Variants in NOM1 observed in about 807,000 individuals in gnomAD.
NOM1 encodes the protein nucleolar protein with MIF4G domain 1.
A neutral mutation model predicts 73.3 loss-of-function variants in NOM1; 58 were observed. The observed-to-expected ratio is 0.79, with a 90% CI of 0.64 to 0.99. NOM1 has a LOEUF of 0.99. NOM1 is among the 50% of genes least tolerant of loss of function. The pLI is 0.00. For synonymous variants in NOM1, 487 were observed against 446.8 expected, an observed-to-expected ratio of 1.09 and a Z score of -1.14; for missense variants, 1,226 against 1,131.9, an observed-to-expected ratio of 1.08 and a Z score of -1.19.
In NOM1 at chr7:156,970,364, T is replaced by C. The variant is rs1168720389; in HGVS notation, c.*661T>C. 6.6e-6 allele frequency: 1 copy of C among 152,184 alleles called. No homozygotes were observed. The highest frequency in any genetic ancestry group is 6.5e-5 in the Admixed American group (1 of 15,276). The allele number at this position is 152,184 out of a possible 1,614,324, so 9.4% of individuals were successfully genotyped here. ...GTTATAAAGAAATTGATGAGGTTTT[T>C]ACCTTTTTAAAATATTGGTTAGAAG... is the stretch of plus-strand genomic sequence containing the variant. On this transcript the variant is annotated 3_prime_UTR_variant, in exon 11 of 11. Transcript: ENST00000275820.
At chr7:156,959,730 C>T in intron 3 of NOM1, 121 bp from the exon 4 acceptor site, 2 of 992,674 alleles carry the variant, frequency 2.0e-6, no homozygotes, top group Admixed American at 2.6e-5. Context: ...CGAGGGATGC[C>T]TTGTTGGAAT....
At chr7:156,968,224 G>T (rs965828864) in intron 9 of NOM1, among the ~76,000 whole-genome samples, 1 of 152,148 alleles carries the variant, frequency 6.6e-6, no homozygotes, top group Non-Finnish European at 1.5e-5. Flanking sequence ...CCTTTCGCTC[G>T]CCCAGGCATT....
intron 3 of NOM1, among the ~76,000 whole-genome samples, chr7:156,959,141 C>T (rs1340926100): frequency 2.0e-5 from 3 of 150,084 alleles, no homozygotes; most frequent in African/African-American, 7.3e-5. Flanking sequence ...CTTGCTCTGT[C>T]GCCCAGGCTG....
intron 3 of NOM1, 63 bp from the exon 4 acceptor site, chr7:156,959,788 T>A: frequency 6.8e-7 from 1 of 1,468,766 alleles, no homozygotes; most frequent in South Asian, 1.2e-5. Context: ...CAGTTCTGTG[T>A]GTTGAAGGAG....
intron 7 of NOM1, chr7:156,964,333 C>A (rs1325402125): frequency 5.7e-6 from 1 of 173,958 alleles, no homozygotes; most frequent in Non-Finnish European, 1.2e-5. Context: ...GGAGTTTTGA[C>A]TGAAAGTATC....
intron 2 of NOM1, 33 bp downstream of exon 2, chr7:156,952,631 TAGAG>T (rs764789889): frequency 1.3e-6 from 2 of 1,596,170 alleles, no homozygotes; most frequent in Admixed American, 1.8e-5. Flanking sequence ...CTGTGTCACT[TAGAG>T]AGGTTGTCTG....
Position 156,950,542 on chromosome 7 carries a change from A to G in NOM1, c.805A>G (p.Lys269Glu). 1 of 1,613,208 alleles carries G rather than the reference A, an allele frequency of 6.2e-7. No individual in the cohort carries two copies. The highest frequency in any genetic ancestry group is 8.5e-7 in the Non-Finnish European group (1 of 1,179,458). ...GGAGGAGGAGGAGGGAGACGTAGAA[A>G]AGGAAAAGAAGGCGCAGGAAGCAGA... is the stretch of plus-strand genomic sequence containing the variant. ...SEEEEEGDVE[K>E]EKKAQEAEAQ... Residue 269 changes from lysine to glutamate, a missense_variant, in exon 1 of 11, where the codon AAG (lysine) becomes GAG (glutamate). Transcript: ENST00000275820.
chr7:156,963,933 G>T lies in NOM1; in HGVS notation c.1940G>T (p.Arg647Leu). The change falls in exon 7 of 11, where the codon CGG becomes CTG. Residue 647 changes from arginine to leucine, a missense_variant. Arg to Leu is a moderately radical substitution (Grantham distance 102). Transcript: ENST00000275820. ...TVSSKILELA[R>L]KQRMNTDIRR... ...AGTTCAAAGATCCTAGAACTCGCCC[G>T]GAAGCAGAGGATGAACACAGACATC... The T allele has an allele frequency of 6.2e-7, 1 of 1,613,998 alleles. No homozygotes were observed. The highest frequency in any genetic ancestry group is 8.5e-7 in the Non-Finnish European group (1 of 1,179,918).
chr7:156,950,153 C>G lies in NOM1; in HGVS notation c.416C>G (p.Ser139Trp). Reference protein sequence around the residue: ...RARPAPSRDPSPPRKPRPSRV... With the variant: ...RARPAPSRDPWPPRKPRPSRV... ...CGCCCAGCCCCTAGTCGGGACCCCT[C>G]GCCTCCCAGGAAGCCGCGGCCGTCC... The change falls in exon 1 of 11, where the codon TCG (serine) becomes TGG (tryptophan). Residue 139 changes from serine to tryptophan, a missense_variant. Ser to Trp is a radical substitution (Grantham distance 177). Coordinates refer to ENST00000275820, the MANE Select transcript of NOM1 (RefSeq NM_138400.2). 9 of 1,587,476 alleles carry G rather than the reference C, an allele frequency of 5.7e-6. No individual in the cohort carries two copies. Among genetic ancestry groups the G allele is most frequent in the Non-Finnish European group, 7.7e-6 (9 of 1,170,432 alleles).
Position 156,967,075 on chromosome 7 carries a change from T to C in NOM1, c.2281T>C (p.Ser761Pro). ...CCACTTGTTGAAGACAAAATCGCTT[T>C]CCCTTTCCATCTTAAAGGTTCGTGT... ...VAHLLKTKSL[S>P]LSILKVVEFS... is the part of the protein sequence containing the mutation. Residue 761 changes from serine (S) to proline (P), a missense_variant, in exon 9 of 11, where the codon TCC (serine) becomes CCC (proline). By Grantham distance (74) the Ser-to-Pro change is moderately conservative (BLOSUM62 -1). Coordinates refer to ENST00000275820, the MANE Select transcript of NOM1 (RefSeq NM_138400.2). 6.2e-7 allele frequency: 1 copy of C among 1,612,924 alleles called. No homozygotes were observed. Among genetic ancestry groups the C allele is most frequent in the Non-Finnish European group, 8.5e-7 (1 of 1,179,724 alleles).
At chr7:156,956,455 T>C (rs1166721133) in intron 3 of NOM1, among the ~76,000 whole-genome samples, 1 of 152,232 alleles carries the variant, frequency 6.6e-6, no homozygotes, top group Non-Finnish European at 1.5e-5. Context: ...GCTCATTATT[T>C]ATGTACAGAA....
intron 5 of NOM1, among the ~76,000 whole-genome samples, chr7:156,962,696 C>T (rs200716369): frequency 8.5e-5 from 13 of 152,178 alleles, no homozygotes; most frequent in African/African-American, 3.1e-4. Flanking sequence ...AAGTCCAAAT[C>T]ATTGCTGACC....
At chr7:156,952,383 A>G in intron 1 of NOM1, 91 bp from the exon 2 acceptor site, 1 of 1,389,062 alleles carries the variant, frequency 7.2e-7, no homozygotes, top group Non-Finnish European at 9.8e-7. Context: ...CAGTTCTTGG[A>G]AGTTTAATAT....
At position 156,963,076 on chromosome 7, in the gene NOM1, G is replaced by A; in HGVS notation, c.1812G>A (p.Glu604=). 1 of 1,614,224 alleles carries A rather than the reference G, an allele frequency of 6.2e-7. No individual in the cohort carries two copies. Among genetic ancestry groups the A allele is most frequent in the South Asian group, 1.1e-5 (1 of 91,082 alleles). ...RVSWDSVLSA[E]QTGRWWIVGS... is the part of the protein sequence containing the mutation. ...CCTGGGACAGTGTCTTGAGTGCGGA[G>A]CAGACGGGTCGCTGGTGGATTGTGG... Residue 604 remains glutamate, a synonymous_variant, in exon 6 of 11, where the codon GAG becomes GAA. Transcript: ENST00000275820.
chr7:156,963,103 G>T lies in NOM1; in HGVS notation c.1839G>T (p.Gly613=). 1.2e-6 allele frequency: 2 copies of T among 1,614,214 alleles called. No individual in the cohort carries two copies. The highest frequency in any genetic ancestry group is 1.6e-4 in the Middle Eastern group (1 of 6,062). ...AEQTGRWWIV[G]SAWSGAPMID... The stretch of plus-strand genomic sequence containing the variant: ...AGACGGGTCGCTGGTGGATTGTGGG[G>T]TCCGCCTGGAGTGGGGCCCCGATGA... Residue 613 remains glycine (G), a synonymous_variant, in exon 6 of 11, where the codon GGG becomes GGT. Coordinates refer to ENST00000275820, the MANE Select transcript of NOM1 (RefSeq NM_138400.2).
At position 156,969,543 on chromosome 7, in the gene NOM1, C is replaced by G. The variant is rs758575121; in HGVS notation, c.2423C>G (p.Pro808Arg). The G allele has an allele frequency of 1.2e-6, 2 of 1,613,554 alleles. No homozygotes were observed. The highest frequency in any genetic ancestry group is 1.7e-6 in the Non-Finnish European group (2 of 1,179,708). ...SLIFTRVSDN[P>R]KLGVLREGLK... ...TTCCTTTCCAGAGTATCTGACAACC[C>G]AAAGCTGGGGGTGTTACGTGAGGGT... The change falls in exon 11 of 11, where the codon CCA (proline) becomes CGA (arginine). Residue 808 changes from proline to arginine, a missense_variant. Coordinates refer to ENST00000275820, the MANE Select transcript of NOM1 (RefSeq NM_138400.2).
At chr7:156,969,323 C>A in intron 10 of NOM1, 127 bp downstream of exon 10, 1 of 731,928 alleles carries the variant, frequency 1.4e-6, no homozygotes, top group Admixed American at 2.9e-5. Flanking sequence ...TATTTTTAAG[C>A]TGGTATGCAT....
chr7:156,954,441 A>G lies in NOM1; in HGVS notation c.1308+143A>G, dbSNP rs28737232. 2,536 of 613,312 alleles carry G rather than the reference A, an allele frequency of 4.1e-3. 60 individuals are homozygous for G. The African/African-American group carries it at 0.044, about 11-fold the overall frequency. The allele number at this position is 613,312 out of a possible 1,614,324, so 38.0% of individuals were successfully genotyped here. ...GTTGTGAATAAATACTCTATTGTCT[A>G]TGTCATGTAGTTGTAAAGAGCATTC... On this transcript the variant is annotated intron_variant, in intron 3 of 10. Transcript: ENST00000275820.
intron 1 of NOM1, among the ~76,000 whole-genome samples, chr7:156,951,818 C>T (rs989478482): frequency 6.6e-6 from 1 of 152,028 alleles, no homozygotes; most frequent in Non-Finnish European, 1.5e-5. Flanking sequence ...TGCCATTCTC[C>T]TGCCTCATCT....
Sources: allele counts gnomAD v4.1 joint callset (sites outside exome capture counted in the v4.1 genomes callset), GRCh38; gene constraint gnomAD v4.1.1; transcripts MANE v1.5; gene names NCBI Gene and HGNC (gene_info 2026-07-23, HGNC 2026-07-21).